Variants in LRRK1 observed in about 807,000 individuals in gnomAD.
LRRK1 encodes the protein leucine rich repeat kinase 1, also known as leucine-rich repeat serine/threonine-protein kinase 1.
In LRRK1, 113 loss-of-function variants were observed where a neutral mutation model predicts 209.1. The ratio of observed to expected loss-of-function variants is 0.54; its 90% CI spans 0.46 to 0.63. The LOEUF (loss-of-function observed/expected upper bound fraction) is 0.63, where lower values mean the gene tolerates loss of function less well. LRRK1 is among the 30% of genes least tolerant of loss of function. The pLI, the probability that LRRK1 is intolerant of heterozygous loss-of-function variation, is 0.00. For synonymous variants in LRRK1, 1,144 were observed against 1,099.7 expected (o/e 1.04, Z -0.80); for missense variants, 2,284 against 2,632.2 (o/e 0.87, Z 2.89).
chr15:101,063,156 T>G (rs1217375400), intron 31 of LRRK1, among the ~76,000 whole-genome samples: 3 of 152,194 alleles, frequency 2.0e-5, no homozygotes, highest in Non-Finnish European at 4.4e-5. Context: ...CAGTTTCTCT[T>G]TGTGCAGCAT....
intron 3 of LRRK1, among the ~76,000 whole-genome samples, chr15:100,981,136 A>C (rs1420459399): frequency 6.6e-6 from 1 of 152,046 alleles, no homozygotes; most frequent in African/African-American, 2.4e-5. Flanking sequence ...TGCTGTTTGA[A>C]TTTTTTCAAA....
At position 101,027,405 on chromosome 15, in the gene LRRK1, T is replaced by C; in HGVS notation, c.2526+24T>C. 1 of 1,608,644 alleles carries C rather than the reference T, an allele frequency of 6.2e-7. No individual in the cohort carries two copies. Among genetic ancestry groups the C allele is most frequent in the African/African-American group, 1.3e-5 (1 of 74,904 alleles). On this transcript the variant is annotated intron_variant, in intron 18 of 33. Transcript: ENST00000388948. The surrounding 1 kb of genome is among the most constrained non-coding windows in gnomAD (Gnocchi z 5.1). ...TGGTGGGTACCTTGCTGGTCCAGTT[T>C]AAACCAGTCTGCCTGCTTCCCATTG...
At position 101,065,646 on chromosome 15, in the gene LRRK1, A is replaced by G. The variant is rs1391730839; in HGVS notation, c.5209A>G (p.Thr1737Ala). ...LEPYMAPSMV[T>A]SVVCSSEGRG... ...GCCCTACATGGCCCCCTCCATGGTT[A>G]CGTCAGTCGTGTGCAGCTCTGAGGG... Residue 1737 changes from threonine to alanine, a missense_variant, in exon 32 of 34, where the codon ACG (threonine) becomes GCG (alanine). By Grantham distance (58) the Thr-to-Ala change is moderately conservative. This residue lies in a region of LRRK1 where 643 missense variants were observed against 695.9 expected (regional missense o/e 0.92). Transcript: ENST00000388948. 1 of 1,614,100 alleles carries G rather than the reference A, an allele frequency of 6.2e-7. No homozygotes were observed. Among genetic ancestry groups the G allele is most frequent in the Non-Finnish European group, 8.5e-7 (1 of 1,180,008 alleles).
At chr15:100,988,897 C>A in intron 5 of LRRK1, 84 bp downstream of exon 5, 2 of 1,165,728 alleles carry the variant, frequency 1.7e-6, no homozygotes, top group Non-Finnish European at 2.4e-6. Flanking sequence ...TTTATTCTCA[C>A]TCTTGGCTCT....
intron 3 of LRRK1, 166 bp downstream of exon 3, chr15:100,974,133 C>A: frequency 1.9e-6 from 1 of 519,214 alleles, no homozygotes; most frequent in Non-Finnish European, 3.0e-6. Context: ...TCCTTTCCAA[C>A]TGACTTCTCA....
intron 20 of LRRK1, among the ~76,000 whole-genome samples, chr15:101,032,898 G>C (rs1205812313): frequency 6.6e-6 from 1 of 152,204 alleles, no homozygotes; most frequent in Non-Finnish European, 1.5e-5. Flanking sequence ...TGTAGCTTTA[G>C]AGTAAGACTT....
chr15:100,959,384 G>A (rs1035148194), intron 2 of LRRK1, among the ~76,000 whole-genome samples: 25 of 152,208 alleles, frequency 1.6e-4, no homozygotes, highest in East Asian at 1.9e-4. Context: ...GGACAGTCCA[G>A]GACCCAGGTC....
intron 6 of LRRK1, among the ~76,000 whole-genome samples, chr15:101,008,034 T>A (rs2141690170): frequency 6.7e-6 from 1 of 149,354 alleles, no homozygotes; most frequent in East Asian, 2.0e-4. Context: ...GTGCAGCTAC[T>A]GAGGAGGCTG....
chr15:101,025,892 C>T (rs978650925), intron 16 of LRRK1, 73 bp from the exon 17 acceptor site: 3 of 1,541,554 alleles, frequency 1.9e-6, no homozygotes, highest in Non-Finnish European at 2.7e-6. Context: ...CGCACCTGCA[C>T]AGCTGGGAGC....
chr15:101,034,506 A>AG, intron 20 of LRRK1, among the ~76,000 whole-genome samples: 1 of 152,260 alleles, frequency 6.6e-6, no homozygotes, highest in South Asian at 2.1e-4. Context: ...TTTATTGAAG[A>AG]GGGTGTATTT....
intron 7 of LRRK1, 133 bp downstream of exon 7, chr15:101,009,196 C>A: frequency 1.4e-6 from 1 of 718,738 alleles, no homozygotes; most frequent in Non-Finnish European, 2.3e-6. Flanking sequence ...AGGAGTTTTG[C>A]CTACCCTGAG....
chr15:100,938,962 G>GGAA (rs55879557), intron 2 of LRRK1, among the ~76,000 whole-genome samples: 29,894 of 151,980 alleles, frequency 0.2, 3,159 homozygotes, highest in South Asian at 0.29. Flanking sequence ...GCATGGTGGC[G>GGAA]GGCACCTGTA....
intron 7 of LRRK1, among the ~76,000 whole-genome samples, chr15:101,009,351 A>T (rs2033129147): frequency 6.6e-6 from 1 of 152,188 alleles, no homozygotes; most frequent in African/African-American, 2.4e-5. Flanking sequence ...AGGGCAGCCA[A>T]ACCTTCCCAC....
chr15:100,943,082 C>CT (rs2042473851), intron 2 of LRRK1, among the ~76,000 whole-genome samples: 2 of 152,082 alleles, frequency 1.3e-5, no homozygotes, highest in South Asian at 4.1e-4. Context: ...AAATTGGGAT[C>CT]TTATATAAAG....
Position 101,052,971 on chromosome 15 carries a change from G to A in LRRK1, c.3739G>A (p.Val1247Ile), listed in dbSNP as rs200086296. 76 of 1,612,724 alleles carry A rather than the reference G, an allele frequency of 4.7e-5. No homozygotes were observed. In the Middle Eastern group the frequency reaches 1.3e-3, roughly 28 times the overall value. The change falls in exon 25 of 34, where the codon GTC becomes ATC. Residue 1247 changes from valine to isoleucine, a missense_variant. Physicochemically the swap from Val to Ile is conservative, Grantham distance 29 (BLOSUM62 3). This residue lies in a region of LRRK1 where 780 missense variants were observed against 985.2 expected (regional missense o/e 0.79). Transcript: ENST00000388948. The stretch of plus-strand genomic sequence containing the variant: ...GGAGCACAGCGAGGACGAGGGCAGC[G>A]TCCTGGGCCAGGGCGGCAGTGGCAC... ...KLEHSEDEGS[V>I]LGQGGSGTVI... is the part of the protein sequence containing the mutation.
chr15:101,047,126 A>C (rs72766847), intron 21 of LRRK1, among the ~76,000 whole-genome samples: 1 of 152,198 alleles, frequency 6.6e-6, no homozygotes, highest in Admixed American at 6.5e-5. Flanking sequence ...AATCCTTGAC[A>C]TTAAACTCCG....
chr15:100,997,795 C>T (rs902322792), intron 6 of LRRK1, among the ~76,000 whole-genome samples: 1 of 152,168 alleles, frequency 6.6e-6, no homozygotes, highest in Non-Finnish European at 1.5e-5. Flanking sequence ...TGAAGAATAC[C>T]TCTAGGACAG....
At chr15:101,025,848 G>C (rs905364264) in intron 16 of LRRK1, 117 bp from the exon 17 acceptor site, 2 of 1,031,300 alleles carry the variant, frequency 1.9e-6, no homozygotes, top group Non-Finnish European at 1.4e-6. Flanking sequence ...CTGCAGATTG[G>C]TGGCTGAGCA....
intron 6 of LRRK1, among the ~76,000 whole-genome samples, chr15:100,992,544 A>G (rs963323512): frequency 1.3e-5 from 2 of 152,222 alleles, no homozygotes; most frequent in African/African-American, 4.8e-5. Context: ...AATACAAGGA[A>G]CTGTCAAGGA....
Sources: allele counts gnomAD v4.1 joint callset (sites outside exome capture counted in the v4.1 genomes callset), GRCh38; gene constraint gnomAD v4.1.1; regional missense constraint gnomAD v4.1.1; non-coding constraint Gnocchi (gnomAD v3.1); transcripts MANE v1.5; gene names NCBI Gene and HGNC (gene_info 2026-07-23, HGNC 2026-07-21).